Variants in PCDH9 observed in about 807,000 individuals in gnomAD.
PCDH9 encodes protocadherin 9, also known as protocadherin-9.
In PCDH9, 24 loss-of-function variants were observed where a neutral mutation model predicts 70.6. The ratio of observed to expected loss-of-function variants is 0.34; its 90% CI spans 0.25 to 0.48. The LOEUF (loss-of-function observed/expected upper bound fraction) is 0.48. Ranked by LOEUF, PCDH9 falls within the 20% of genes least tolerant of loss-of-function variation. The probability of loss-of-function intolerance (pLI) is 0.99; values close to 1 mark genes in which losing one functional copy is unlikely to be tolerated. For missense variants in PCDH9, 1,281 were observed against 1,503.6 expected, an observed-to-expected ratio of 0.85 and a Z score of 2.45; for synonymous variants, 562 against 558.5, an observed-to-expected ratio of 1.01 and a Z score of -0.09.
At chr13:66,934,291 G>A (rs920284167) in intron 2 of PCDH9, among the ~76,000 whole-genome samples, 1 of 152,022 alleles carries the variant, frequency 6.6e-6, no homozygotes. Flanking sequence ...CAGCACTTTG[G>A]GAGGCTGAAG....
chr13:66,708,408 T>TG (rs2078745908), intron 3 of PCDH9, among the ~76,000 whole-genome samples: 2 of 151,192 alleles, frequency 1.3e-5, no homozygotes, highest in South Asian at 2.1e-4. Context: ...ATTTAGTTTT[T>TG]TTTTTTTTTT....
intron 3 of PCDH9, among the ~76,000 whole-genome samples, chr13:66,743,071 A>G (rs1400756740): frequency 1.3e-5 from 1 of 79,996 alleles, no homozygotes; most frequent in East Asian, 3.4e-4. Context: ...ATTATTCACA[A>G]TAGCAAAGAC....
chr13:66,763,774 A>T (rs376279702), intron 3 of PCDH9, among the ~76,000 whole-genome samples: 7 of 151,954 alleles, frequency 4.6e-5, no homozygotes, highest in African/African-American at 1.7e-4. Context: ...ATACCTTCAC[A>T]ACTTAATCTA....
intron 3 of PCDH9, among the ~76,000 whole-genome samples, chr13:66,634,785 T>C (rs2077616100): frequency 6.6e-6 from 1 of 152,068 alleles, no homozygotes; most frequent in Admixed American, 6.6e-5. Flanking sequence ...GATTCCCTTA[T>C]CCCCCACCCC....
In PCDH9 at chr13:66,480,363, A is replaced by G. The variant is rs140073969; in HGVS notation, c.3340+150847T>C. On this transcript the variant is annotated intron_variant, in intron 4 of 4. Transcript: ENST00000377865. ...CTTGAGATGGAATCTACTCCTGGTG[A>G]AGATACTGAGAACATTGTTGAAATA... Among the ~76,000 whole-genome samples, 100 of 152,350 alleles carry G rather than the reference A, an allele frequency of 6.6e-4. 2 individuals are homozygous for G. The East Asian group carries it at 0.019, about 29-fold the overall frequency.
At chr13:67,052,072 T>A (rs889368077) in intron 2 of PCDH9, among the ~76,000 whole-genome samples, 1 of 152,188 alleles carries the variant, frequency 6.6e-6, no homozygotes, top group Non-Finnish European at 1.5e-5. Context: ...GTCACTCTGC[T>A]ATAAGTGATA....
At chr13:66,842,185 T>C (rs533551458) in intron 3 of PCDH9, among the ~76,000 whole-genome samples, 4 of 152,350 alleles carry the variant, frequency 2.6e-5, no homozygotes, top group Admixed American at 6.5e-5. Flanking sequence ...ATTTTTCTTA[T>C]ACATGGTATG....
chr13:66,593,601 T>G (rs2077064480), intron 4 of PCDH9, among the ~76,000 whole-genome samples: 1 of 151,756 alleles, frequency 6.6e-6, no homozygotes, highest in African/African-American at 2.4e-5. Flanking sequence ...GAAAAATTTT[T>G]GACAATGGTC....
intron 3 of PCDH9, among the ~76,000 whole-genome samples, chr13:66,893,004 C>A (rs145235565): frequency 2.1e-4 from 32 of 152,208 alleles, no homozygotes; most frequent in African/African-American, 5.5e-4. Context: ...CACATAGGAT[C>A]ATGCGTGACC....
At chr13:67,093,407 T>C (rs2086257826) in intron 2 of PCDH9, among the ~76,000 whole-genome samples, 2 of 152,072 alleles carry the variant, frequency 1.3e-5, no homozygotes, top group Non-Finnish European at 1.5e-5. Context: ...TGAGCTAAGA[T>C]TGCGCCACTG....
chr13:66,636,785 C>T (rs866178241), intron 3 of PCDH9, among the ~76,000 whole-genome samples: 36 of 152,118 alleles, frequency 2.4e-4, no homozygotes, highest in Middle Eastern at 3.4e-3. Context: ...CACACAAACA[C>T]ACATACCATC....
At chr13:66,561,920 C>T (rs551234567) in intron 4 of PCDH9, among the ~76,000 whole-genome samples, 1 of 152,044 alleles carries the variant, frequency 6.6e-6, no homozygotes, top group Admixed American at 6.6e-5. Context: ...GCAATAAATC[C>T]TGCTGCTGCT....
At position 67,036,152 on chromosome 13, in the gene PCDH9, A is replaced by T. The variant is rs551508621; in HGVS notation, c.3037-132547T>A. On this transcript the variant is annotated intron_variant, in intron 2 of 4. Coordinates refer to ENST00000377865, the MANE Select transcript of PCDH9 (RefSeq NM_203487.3). The stretch of plus-strand genomic sequence containing the variant: ...AAACAAACAAAAAACATAAAGTGCC[A>T]CATCTCACAATAAACAAAATGTATT... 2.0e-5 allele frequency among the ~76,000 whole-genome samples: 3 copies of T among 152,342 alleles called. No homozygotes were observed. The East Asian group carries it at 5.8e-4, about 29-fold the overall frequency.
intron 4 of PCDH9, among the ~76,000 whole-genome samples, chr13:66,436,298 T>C (rs1957867200): frequency 6.6e-6 from 1 of 152,122 alleles, no homozygotes; most frequent in Non-Finnish European, 1.5e-5. Flanking sequence ...TTCTTTGCCA[T>C]TCTACCTTCT....
chr13:66,882,389 G>A (rs1245353431), intron 3 of PCDH9, among the ~76,000 whole-genome samples: 1 of 151,996 alleles, frequency 6.6e-6, no homozygotes, highest in African/African-American at 2.4e-5. Context: ...CCACAGTTTT[G>A]CTCCTGCTTT....
At chr13:66,747,385 CAAAACAA>C in intron 3 of PCDH9, among the ~76,000 whole-genome samples, 1 of 16,022 alleles carries the variant, frequency 6.2e-5, no homozygotes, top group East Asian at 2.9e-3. Flanking sequence ...CAAAACAAAA[CAAAACAA>C]AACACAAAAA....
intron 4 of PCDH9, among the ~76,000 whole-genome samples, chr13:66,547,430 A>C (rs1257039739): frequency 6.6e-6 from 1 of 152,182 alleles, no homozygotes; most frequent in Non-Finnish European, 1.5e-5. Context: ...AGGTTAATTA[A>C]ATTGACTTTC....
chr13:66,378,362 T>A (rs1019215998), intron 4 of PCDH9, among the ~76,000 whole-genome samples: 1 of 152,190 alleles, frequency 6.6e-6, no homozygotes, highest in African/African-American at 2.4e-5. Flanking sequence ...AAGTGCTTTT[T>A]TTTTGTATCC....
At chr13:66,703,067 CA>C (rs1314266280) in intron 3 of PCDH9, among the ~76,000 whole-genome samples, 3 of 151,982 alleles carry the variant, frequency 2.0e-5, no homozygotes, top group African/African-American at 7.2e-5. Flanking sequence ...TGTAATAAAC[CA>C]TAAAATTACA....
Sources: gnomAD v4.1 joint callset for allele counts (sites outside exome capture counted in the v4.1 genomes callset) on GRCh38, gnomAD v4.1.1 for gene constraint, MANE v1.5 for transcripts, NCBI Gene and HGNC (gene_info 2026-07-23, HGNC 2026-07-21) for gene names.